The following SLC17A8 variants were observed in gnomAD, a reference collection of about 807,000 sequenced individuals.
SLC17A8 encodes vesicular glutamate transporter 3.
Under a neutral mutation model 58.0 loss-of-function variants are expected in SLC17A8, and 31 were observed. The ratio of observed to expected loss-of-function variants is 0.53; its 90% CI spans 0.40 to 0.72. The LOEUF (loss-of-function observed/expected upper bound fraction) is 0.72. SLC17A8 is among the 30% of genes least tolerant of loss of function. The pLI is 0.00. For missense variants in SLC17A8, 655 were observed against 727.8 expected (o/e 0.90, Z 1.15); for synonymous variants, 228 against 249.0 (o/e 0.92, Z 0.79).
chr12:100,402,209 C>T (rs1952796152), intron 6 of SLC17A8, 131 bp from the exon 7 acceptor site: 2 of 957,536 alleles, frequency 2.1e-6, no homozygotes, highest in Non-Finnish European at 1.6e-6. Flanking sequence ...TGTCTGAGTC[C>T]CTCAAACCTT....
intron 10 of SLC17A8, among the ~76,000 whole-genome samples, chr12:100,416,153 T>G (rs1266664941): frequency 6.6e-6 from 1 of 152,222 alleles, no homozygotes; most frequent in African/African-American, 2.4e-5. Flanking sequence ...AATCTATCAA[T>G]ATCTCAATTT....
At chr12:100,375,394 G>C (rs1350798512) in intron 1 of SLC17A8, among the ~76,000 whole-genome samples, 1 of 152,104 alleles carries the variant, frequency 6.6e-6, no homozygotes, top group Non-Finnish European at 1.5e-5. Flanking sequence ...TAGGTGGGAA[G>C]ACTTTCAGAC....
chr12:100,377,197 T>A (rs181447095), intron 1 of SLC17A8, among the ~76,000 whole-genome samples: 2 of 152,250 alleles, frequency 1.3e-5, no homozygotes, highest in East Asian at 3.9e-4. Context: ...CATTATAAAG[T>A]CCTATCATCC....
At chr12:100,364,553 C>T (rs986824668) in intron 1 of SLC17A8, among the ~76,000 whole-genome samples, 4 of 152,168 alleles carry the variant, frequency 2.6e-5, no homozygotes, top group Non-Finnish European at 4.4e-5. Context: ...TGGCTGAGGA[C>T]GGAAGCTAGC....
chr12:100,361,079 T>A (rs1952481127), intron 1 of SLC17A8, among the ~76,000 whole-genome samples: 1 of 152,222 alleles, frequency 6.6e-6, no homozygotes, highest in South Asian at 2.1e-4. Flanking sequence ...CAGGTGATCC[T>A]GGGTTCCAAC....
At chr12:100,363,668 T>C (rs1952499568) in intron 1 of SLC17A8, among the ~76,000 whole-genome samples, 1 of 152,038 alleles carries the variant, frequency 6.6e-6, no homozygotes, top group Non-Finnish European at 1.5e-5. Flanking sequence ...ATTTATGGAA[T>C]ATACTGCATC....
At chr12:100,394,398 C>CT (rs34047250) in intron 4 of SLC17A8, among the ~76,000 whole-genome samples, 6,371 of 112,730 alleles carry the variant, frequency 0.057, 327 homozygotes, top group African/African-American at 0.11. Context: ...ACATCTTTTC[C>CT]TTTTTTTTTT....
intron 1 of SLC17A8, among the ~76,000 whole-genome samples, chr12:100,372,095 C>A (rs1008669790): frequency 7.2e-5 from 11 of 152,196 alleles, no homozygotes; most frequent in Admixed American, 3.9e-4. Flanking sequence ...CTAAATGGGA[C>A]CTTTTCAGAG....
intron 9 of SLC17A8, among the ~76,000 whole-genome samples, chr12:100,407,779 G>C (rs1165788989): frequency 2.0e-5 from 3 of 151,728 alleles, no homozygotes; most frequent in African/African-American, 7.3e-5. Context: ...CTAATTTTTT[G>C]TATTTTTTAG....
intron 11 of SLC17A8, among the ~76,000 whole-genome samples, chr12:100,419,274 C>A (rs1212289196): frequency 6.6e-6 from 1 of 152,130 alleles, no homozygotes; most frequent in Non-Finnish European, 1.5e-5. Flanking sequence ...AATGTATTTT[C>A]TTGTAATCCC....
At chr12:100,394,963 C>T (rs542109975) in intron 4 of SLC17A8, among the ~76,000 whole-genome samples, 2 of 151,562 alleles carry the variant, frequency 1.3e-5, no homozygotes, top group East Asian at 3.9e-4. Context: ...TCTAGTCCCA[C>T]TAGAGGGACA....
chr12:100,369,492 A>T (rs1952544498), intron 1 of SLC17A8, among the ~76,000 whole-genome samples: 1 of 152,136 alleles, frequency 6.6e-6, no homozygotes, highest in Non-Finnish European at 1.5e-5. Flanking sequence ...GTCACAGAGG[A>T]GCCAGTTGCC....
At position 100,420,072 on chromosome 12, in the gene SLC17A8, A is replaced by C. The variant is rs756481066; in HGVS notation, c.1683A>C (p.Glu561Asp). Residue 561 changes from glutamate to aspartate, a missense_variant, in exon 12 of 12, where the codon GAA (glutamate) becomes GAC (aspartate). Transcript: ENST00000323346. ...TSQNCEVQKKEWKGQRGATLD... is the reference protein window; with the variant it reads ...TSQNCEVQKKDWKGQRGATLD... ...AGAATTGTGAAGTCCAGAAGAAGGA[A>C]TGGAAAGGACAGAGAGGAGCGACCC... 3 of 1,614,180 alleles carry C rather than the reference A, an allele frequency of 1.9e-6. No homozygotes were observed. In the Admixed American group the frequency reaches 5.0e-5, roughly 27 times the overall value.
At chr12:100,370,284 A>ATTTATTT (rs145054827) in intron 1 of SLC17A8, among the ~76,000 whole-genome samples, 1 of 151,318 alleles carries the variant, frequency 6.6e-6, no homozygotes, top group Non-Finnish European at 1.5e-5. Context: ...ATTAATCTAA[A>ATTTATTT]TTTATTTTTT....
At chr12:100,364,765 T>C (rs1952508346) in intron 1 of SLC17A8, among the ~76,000 whole-genome samples, 1 of 152,202 alleles carries the variant, frequency 6.6e-6, no homozygotes, top group African/African-American at 2.4e-5. Context: ...CACCACTGCC[T>C]ATGAGTCCAT....
At chr12:100,407,708 C>A (rs1321627970) in intron 9 of SLC17A8, among the ~76,000 whole-genome samples, 1 of 152,094 alleles carries the variant, frequency 6.6e-6, no homozygotes, top group African/African-American at 2.4e-5. Context: ...CAGGTTCACA[C>A]CATTCTCCTG....
intron 9 of SLC17A8, among the ~76,000 whole-genome samples, chr12:100,411,377 G>C (rs1762446882): frequency 6.6e-6 from 1 of 152,220 alleles, no homozygotes; most frequent in South Asian, 2.1e-4. Context: ...CTACTTGGGA[G>C]GCTGAGGCAG....
chr12:100,402,600 T>A lies in SLC17A8; in HGVS notation c.908T>A (p.Phe303Tyr). 6.2e-7 allele frequency: 1 copy of A among 1,613,936 alleles called. No individual in the cohort carries two copies. The highest frequency in any genetic ancestry group is 8.5e-7 in the Non-Finnish European group (1 of 1,179,960). ...EGANVVSLSK[F>Y]STPWKRFFTS... Reference sequence around the variant, plus strand: ...CATGGTATTTTTACTCCCTAGAAATTTAGTACCCCATGGAAAAGATTTTTC... The same window carrying A: ...CATGGTATTTTTACTCCCTAGAAATATAGTACCCCATGGAAAAGATTTTTC... Residue 303 changes from phenylalanine to tyrosine, a missense_variant, in exon 8 of 12, where the codon TTT (phenylalanine) becomes TAT (tyrosine). Phe to Tyr is a conservative substitution (Grantham distance 22, BLOSUM62 3). Transcript: ENST00000323346.
rs11568544 is a variant in SLC17A8, at chr12:100,401,921, A to G, written c.763+58A>G. ...ACTCATAGAGATGGTATTTTACTGCATATGGGTTTGGCTCAGAGTTCATTA... is the reference window on the plus strand; with the variant it reads ...ACTCATAGAGATGGTATTTTACTGCGTATGGGTTTGGCTCAGAGTTCATTA... On this transcript the variant is annotated intron_variant, in intron 6 of 11. Transcript: ENST00000323346. 452,655 of 1,366,948 alleles carry G rather than the reference A, an allele frequency of 0.33. 80,868 individuals carry two copies. Among genetic ancestry groups the G allele is most frequent in the Non-Finnish European group, 0.36 (346,340 of 954,944 alleles). The allele number at this position is 1,366,948 out of a possible 1,614,324, so 84.7% of individuals were successfully genotyped here. A position where few individuals can be genotyped will look rare whatever the true frequency, so the allele number is the denominator to read the frequency against.
Sources: allele counts gnomAD v4.1 joint callset (sites outside exome capture counted in the v4.1 genomes callset), GRCh38; gene constraint gnomAD v4.1.1; transcripts MANE v1.5; gene names NCBI Gene and HGNC (gene_info 2026-07-23, HGNC 2026-07-21).